The following PIAS2 variants were observed in gnomAD, a reference collection of about 807,000 sequenced individuals.
The protein encoded by PIAS2 is E3 SUMO-protein ligase PIAS2.
A neutral mutation model predicts 69.7 loss-of-function variants in PIAS2; 19 were observed. The observed-to-expected ratio is 0.27, with a 90% CI of 0.19 to 0.40. PIAS2 has a LOEUF of 0.40. Ranked by LOEUF, PIAS2 falls within the 10% of genes least tolerant of loss-of-function variation. The pLI is 1.00. For synonymous variants in PIAS2, 261 were observed against 263.2 expected (o/e 0.99, Z 0.08); for missense variants, 624 against 757.0 (o/e 0.82, Z 2.06).
At chr18:46,868,445 C>G (rs993973884) in intron 2 of PIAS2, among the ~76,000 whole-genome samples, 1 of 152,150 alleles carries the variant, frequency 6.6e-6, no homozygotes, top group South Asian at 2.1e-4. Flanking sequence ...CCGCCTTTGC[C>G]GCACCCTGAC....
intron 12 of PIAS2, chr18:46,818,289 G>T: frequency 7.3e-7 from 1 of 1,365,916 alleles, no homozygotes. Flanking sequence ...TGACAATATG[G>T]CACTAGCAAT....
chr18:46,836,324 G>C (rs970802206), intron 9 of PIAS2, 33 bp downstream of exon 9: 1 of 1,557,000 alleles, frequency 6.4e-7, no homozygotes, highest in Non-Finnish European at 8.9e-7. Flanking sequence ...TGTTGTATTA[G>C]TCCATATCAG....
rs971162989 is a variant in PIAS2 at position 46,846,723 on chromosome 18, G to A, written c.845C>T (p.Ala282Val). Residue 282 changes from alanine to valine, a missense_variant, in exon 6 of 14, where the codon GCA becomes GTA. This residue lies in a region of PIAS2 where 339 missense variants were observed against 408.8 expected (regional missense o/e 0.83). Transcript: ENST00000585916. ...AVPNQISISW[A>V]SEIGKNYSMS... Reference sequence around the variant, plus strand: ...AGCTTTTACCTTCCCAATTTCTGATGCCCAAGAAATGGAAATTTGGTTTGG... The same window carrying A: ...AGCTTTTACCTTCCCAATTTCTGATACCCAAGAAATGGAAATTTGGTTTGG... The A allele has an allele frequency of 1.9e-6, 3 of 1,611,600 alleles. No homozygotes were observed. The highest frequency in any genetic ancestry group is 2.5e-6 in the Non-Finnish European group (3 of 1,178,820).
chr18:46,919,238 G>A (rs2058369988), upstream of PIAS2, among the ~76,000 whole-genome samples: 1 of 151,900 alleles, frequency 6.6e-6, no homozygotes, highest in Admixed American at 6.6e-5. Context: ...CTAAATTCCA[G>A]CACTTTGGGA....
chr18:46,837,580 C>A (rs1599561444), intron 8 of PIAS2, among the ~76,000 whole-genome samples: 1 of 152,190 alleles, frequency 6.6e-6, no homozygotes. Flanking sequence ...ATATGAACTG[C>A]AAATATATTT....
upstream of PIAS2, among the ~76,000 whole-genome samples, chr18:46,919,029 GTGTT>G (rs1348995518): frequency 6.6e-6 from 1 of 150,612 alleles, no homozygotes; most frequent in African/African-American, 2.5e-5. Context: ...GTGTGTGTGT[GTGTT>G]GTGTATATAT....
intron 1 of PIAS2, chr18:46,893,369 T>G (rs529475844): frequency 2.0e-6 from 1 of 503,496 alleles, no homozygotes; most frequent in Non-Finnish European, 2.6e-6. Flanking sequence ...TTGTCAGATA[T>G]TCTTCATTTT....
chr18:46,818,711 T>A (rs2041839238), intron 12 of PIAS2, among the ~76,000 whole-genome samples: 1 of 152,062 alleles, frequency 6.6e-6, no homozygotes, highest in Non-Finnish European at 1.5e-5. Flanking sequence ...AACTGCTACA[T>A]AATTCATACA....
intron 1 of PIAS2, among the ~76,000 whole-genome samples, chr18:46,902,702 G>C (rs1033504520): frequency 2.6e-5 from 4 of 152,308 alleles, no homozygotes; most frequent in Admixed American, 2.6e-4. Flanking sequence ...GATTTTTGTA[G>C]ATATAGATGA....
chr18:46,855,348 C>T lies in PIAS2; in HGVS notation c.723G>A (p.Leu241=). 1 of 1,595,560 alleles carries T rather than the reference C, an allele frequency of 6.3e-7. No homozygotes were observed. Among genetic ancestry groups the T allele is most frequent in the Non-Finnish European group, 8.6e-7 (1 of 1,169,468 alleles). ...CIKVNGKLFP[L]PGYAPPPKNG... ...TGGTGAATAAAAAGCAACTTACAGG[C>T]AAAGGAAATAGCTTCCCATTTACTT... Residue 241 remains leucine, a synonymous_variant, in exon 5 of 14, where the codon TTG becomes TTA. Coordinates refer to ENST00000585916, the MANE Select transcript of PIAS2 (RefSeq NM_004671.5).
chr18:46,905,537 A>G (rs1338409423), intron 1 of PIAS2, among the ~76,000 whole-genome samples: 1 of 152,116 alleles, frequency 6.6e-6, no homozygotes, highest in African/African-American at 2.4e-5. Context: ...ACAATATCAA[A>G]AACTTGATTC....
intron 2 of PIAS2, among the ~76,000 whole-genome samples, chr18:46,866,269 A>G (rs948596095): frequency 2.6e-5 from 4 of 152,248 alleles, no homozygotes; most frequent in African/African-American, 9.6e-5. Context: ...CATCATAGTC[A>G]TACTATTGAT....
chr18:46,907,036 G>A (rs2056703482), intron 1 of PIAS2, among the ~76,000 whole-genome samples: 1 of 151,994 alleles, frequency 6.6e-6, no homozygotes, highest in Non-Finnish European at 1.5e-5. Context: ...ACTCTGAAAA[G>A]AAGGAGAGCC....
chr18:46,829,333 CCCAAACCA>C (rs2043262806), intron 10 of PIAS2, among the ~76,000 whole-genome samples: 1 of 152,044 alleles, frequency 6.6e-6, no homozygotes, highest in Non-Finnish European at 1.5e-5. Flanking sequence ...TGTGACCATC[CCCAAACCA>C]CCAAGGCCAT....
intron 11 of PIAS2, among the ~76,000 whole-genome samples, chr18:46,824,834 GT>G (rs2042619537): frequency 7.9e-6 from 1 of 127,122 alleles, no homozygotes; most frequent in African/African-American, 2.9e-5. Context: ...AAAACCCCAT[GT>G]TTACAAAAAA....
At chr18:46,893,044 C>T (rs1473178297) in intron 1 of PIAS2, among the ~76,000 whole-genome samples, 1 of 152,082 alleles carries the variant, frequency 6.6e-6, no homozygotes, top group Non-Finnish European at 1.5e-5. Context: ...CTAAATCATA[C>T]TCTAATAGAA....
At chr18:46,892,475 T>TA (rs1242966203) in intron 1 of PIAS2, among the ~76,000 whole-genome samples, 2 of 151,956 alleles carry the variant, frequency 1.3e-5, no homozygotes, top group Non-Finnish European at 2.9e-5. Flanking sequence ...GTAGTCACAT[T>TA]AAAAAAACTA....
chr18:46,886,318 G>GAA (rs921137947), intron 2 of PIAS2, among the ~76,000 whole-genome samples: 3 of 151,898 alleles, frequency 2.0e-5, no homozygotes, highest in Non-Finnish European at 2.9e-5. Flanking sequence ...CATAGATAAG[G>GAA]AAAAAAAATT....
intron 3 of PIAS2, 41 bp from the exon 4 acceptor site, chr18:46,855,656 G>A (rs766393572): frequency 3.4e-6 from 5 of 1,482,904 alleles, no homozygotes; most frequent in East Asian, 4.5e-5. Flanking sequence ...AAAGTACAAT[G>A]AGAATTCTCA....
Sources: allele counts gnomAD v4.1 joint callset (sites outside exome capture counted in the v4.1 genomes callset), GRCh38; gene constraint gnomAD v4.1.1; regional missense constraint gnomAD v4.1.1; transcripts MANE v1.5; gene names NCBI Gene and HGNC (gene_info 2026-07-23, HGNC 2026-07-21).